Variants in CLEC12A observed in about 807,000 individuals in gnomAD.
The protein encoded by CLEC12A is C-type lectin protein CLL-1.
Under a neutral mutation model 26.5 loss-of-function variants are expected in CLEC12A, and 22 were observed. That is an observed-to-expected ratio of 0.83 (90% CI 0.59 to 1.19). CLEC12A has a LOEUF of 1.19. CLEC12A is among the 50% of genes most tolerant of loss of function. The probability of loss-of-function intolerance (pLI) is 0.00; values close to 1 mark genes in which losing one functional copy is unlikely to be tolerated. For synonymous variants in CLEC12A, 119 were observed against 101.9 expected (o/e 1.17, Z -1.01); for missense variants, 353 against 315.6 (o/e 1.12, Z -0.90).
downstream of CLEC12A, among the ~76,000 whole-genome samples, chr12:9,995,951 T>C (rs1865034795): frequency 6.6e-6 from 1 of 152,198 alleles, no homozygotes; most frequent in African/African-American, 2.4e-5. Context: ...TTTCAGCACA[T>C]AGTTGCTGAA....
At chr12:10,001,559 G>C in the CLEC12A span, among the ~76,000 whole-genome samples, 8 of 152,330 alleles carry the variant, frequency 5.3e-5, no homozygotes, top group East Asian at 1.3e-3. Flanking sequence ...AGCAAGCTGA[G>C]CGAAGACAGA....
the CLEC12A span, among the ~76,000 whole-genome samples, chr12:10,002,731 C>T: frequency 2.0e-5 from 3 of 152,234 alleles, no homozygotes; most frequent in Non-Finnish European, 2.9e-5. Context: ...CGTGAGCCAC[C>T]GCACCCGGCA....
the CLEC12A span, among the ~76,000 whole-genome samples, chr12:10,004,806 T>G: frequency 6.6e-6 from 1 of 152,064 alleles, no homozygotes; most frequent in African/African-American, 2.4e-5. Flanking sequence ...AGGGTACATG[T>G]GCACAATGTG....
At chr12:9,956,875 C>T (rs1863749670) in intron 1 of CLEC12A, among the ~76,000 whole-genome samples, 2 of 152,164 alleles carry the variant, frequency 1.3e-5, no homozygotes, top group African/African-American at 4.8e-5. Context: ...TACATCTGTG[C>T]TGTGCTGCAT....
downstream of CLEC12A, chr12:9,997,270 T>C (rs1353175038): frequency 6.2e-7 from 1 of 1,610,872 alleles, no homozygotes; most frequent in South Asian, 1.1e-5. Flanking sequence ...GTAATTGCGC[T>C]GCATGACAGC....
intron 1 of CLEC12A, among the ~76,000 whole-genome samples, chr12:9,962,648 G>A (rs1222441506): frequency 6.6e-6 from 1 of 152,112 alleles, no homozygotes; most frequent in Non-Finnish European, 1.5e-5. Flanking sequence ...GCCACAAGGT[G>A]CTCAGTGGGG....
chr12:10,004,940 G>A, the CLEC12A span, among the ~76,000 whole-genome samples: 1 of 147,268 alleles, frequency 6.8e-6, no homozygotes, highest in African/African-American at 2.5e-5. Context: ...GACAGGCCCC[G>A]GTGTGTGGTA....
chr12:9,951,749 G>T (rs1270069905), intron 1 of CLEC12A: 1 of 266,248 alleles, frequency 3.8e-6, no homozygotes, highest in South Asian at 4.4e-5. Flanking sequence ...GGGAGATCAG[G>T]GTTTGATCTG....
At position 9,982,069 on chromosome 12, in the gene CLEC12A, C is replaced by A; in HGVS notation, c.581C>A (p.Ser194Tyr). Residue 194 changes from serine (S) to tyrosine (Y), a missense_variant, in exon 5 of 6, where the codon TCT (serine) becomes TAT (tyrosine). Ser to Tyr is a moderately radical substitution (Grantham distance 144, BLOSUM62 -2). Transcript: ENST00000304361. Reference protein sequence around the residue: ...SRSYDYWLGLSPEEDSTRGMR... With the variant: ...SRSYDYWLGLYPEEDSTRGMR... ...TCATATGACTATTGGCTGGGATTAT[C>A]TCCTGAAGAAGATTCCACTCGTGGT... 6.2e-7 allele frequency: 1 copy of A among 1,601,292 alleles called. No individual in the cohort carries two copies. Among genetic ancestry groups the A allele is most frequent in the Non-Finnish European group, 8.6e-7 (1 of 1,169,382 alleles).
rs575654003 is a variant in CLEC12A at position 9,979,051 on chromosome 12, C to T, written c.177C>T (p.Val59=). Reference sequence around the variant, plus strand: ...TTCTGTTGCTCATTGGATTGGGAGTCTTGGCAAGCATGTGTATGTACTGCC... The same window carrying T: ...TTCTGTTGCTCATTGGATTGGGAGTTTTGGCAAGCATGTGTATGTACTGCC... The part of the protein sequence containing the change: ...LCLLLLIGLG[V]LASMFHVTLK... The change falls in exon 2 of 6, where the codon GTC becomes GTT. Residue 59 remains valine (V), a synonymous_variant. Coordinates refer to ENST00000304361, the MANE Select transcript of CLEC12A (RefSeq NM_138337.6). 13 of 1,613,218 alleles carry T rather than the reference C, an allele frequency of 8.1e-6. No individual in the cohort carries two copies. Among genetic ancestry groups the T allele is most frequent in the African/African-American group, 5.3e-5 (4 of 75,000 alleles).
downstream of CLEC12A, chr12:9,995,762 G>A (rs543736691): frequency 1.5e-4 from 28 of 192,960 alleles, no homozygotes; most frequent in East Asian, 3.2e-3. Flanking sequence ...TATAAATAAC[G>A]TACATCTACC....
chr12:9,995,294 C>G (rs1865013567), exon 5 of CLEC12A: 1 of 1,481,096 alleles, frequency 6.8e-7, no homozygotes, highest in African/African-American at 1.4e-5. Flanking sequence ...CTCCACAGCT[C>G]TTGGTATGAT....
the CLEC12A span, among the ~76,000 whole-genome samples, chr12:10,001,881 C>CT: frequency 0.61 from 81,626 of 134,072 alleles, 25,891 homozygotes; most frequent in Middle Eastern, 0.7. Context: ...TAAACAAAAT[C>CT]TTTTTTTTTT....
At chr12:9,987,912 G>T (rs752785269), downstream of CLEC12A, among the ~76,000 whole-genome samples, 1 of 151,988 alleles carries the variant, frequency 6.6e-6, no homozygotes, top group Non-Finnish European at 1.5e-5. Context: ...TGGTTCAAGT[G>T]ATTCTCCTGC....
chr12:9,998,359 C>G (rs762537821), downstream of CLEC12A: 45 of 1,613,752 alleles, frequency 2.8e-5, no homozygotes, highest in Non-Finnish European at 3.4e-5. Context: ...CACACGCCAC[C>G]AGGAGGAGGA....
the CLEC12A span, among the ~76,000 whole-genome samples, chr12:10,002,036 C>A: frequency 2.0e-5 from 3 of 151,946 alleles, no homozygotes; most frequent in Admixed American, 6.6e-5. Context: ...CCCACCACCA[C>A]GCCTGGCTAA....
intron 1 of CLEC12A, among the ~76,000 whole-genome samples, chr12:9,962,036 C>G (rs1863837393): frequency 6.6e-6 from 1 of 152,152 alleles, no homozygotes; most frequent in Non-Finnish European, 1.5e-5. Context: ...AGTGTACCTC[C>G]AGGGAGGCAG....
At chr12:9,999,546 T>C (rs774588324), downstream of CLEC12A, among the ~76,000 whole-genome samples, 4 of 152,240 alleles carry the variant, frequency 2.6e-5, no homozygotes, top group African/African-American at 4.8e-5. Flanking sequence ...GTTTATCTCA[T>C]TGTGAGAAGC....
downstream of CLEC12A, among the ~76,000 whole-genome samples, chr12:9,997,490 A>T (rs1865082467): frequency 6.6e-6 from 1 of 152,166 alleles, no homozygotes; most frequent in Non-Finnish European, 1.5e-5. Context: ...TAATAAGTGA[A>T]CTGTTTGAAG....
Sources: allele counts gnomAD v4.1 joint callset (sites outside exome capture counted in the v4.1 genomes callset), GRCh38; gene constraint gnomAD v4.1.1; transcripts MANE v1.5; gene names NCBI Gene and HGNC (gene_info 2026-07-23, HGNC 2026-07-21).